The following CACNB4 variants were observed in gnomAD, a reference collection of about 807,000 sequenced individuals.
CACNB4 encodes voltage-dependent L-type calcium channel subunit beta-4.
In CACNB4, 32 loss-of-function variants were observed where a neutral mutation model predicts 71.2. That is an observed-to-expected ratio of 0.45 (90% CI 0.34 to 0.60). CACNB4 has a LOEUF of 0.60. Among genes scored for constraint, CACNB4 ranks in the 20% least tolerant of loss-of-function variants. CACNB4 has a pLI of 0.01. For missense variants in CACNB4, 464 were observed against 647.9 expected (o/e 0.72, Z 3.08); for synonymous variants, 231 against 236.9 (o/e 0.97, Z 0.23).
chr2:152,081,488 A>C (rs1464606188), intron 2 of CACNB4, among the ~76,000 whole-genome samples: 1 of 152,048 alleles, frequency 6.6e-6, no homozygotes, highest in Non-Finnish European at 1.5e-5. Context: ...CCTGTCAATA[A>C]AAAAGAAAAA....
rs924613561 is a variant in CACNB4 at position 152,015,424 on chromosome 2, C to G, written c.147+82906G>C. The stretch of plus-strand genomic sequence containing the variant: ...GGGATTACAGGCGTGAGCCACCATG[C>G]CCAGCCAAAACAATTTTTTTTAACT... On this transcript the variant is annotated intron_variant, in intron 2 of 13. Coordinates refer to ENST00000539935, the MANE Select transcript of CACNB4 (RefSeq NM_000726.5). Among the ~76,000 whole-genome samples the G allele has an allele frequency of 3.3e-5, 5 of 152,194 alleles. No individual in the cohort carries two copies. In the East Asian group the frequency reaches 9.6e-4, roughly 29 times the overall value.
At chr2:151,979,564 T>C (rs1237290616) in intron 2 of CACNB4, among the ~76,000 whole-genome samples, 2 of 152,178 alleles carry the variant, frequency 1.3e-5, no homozygotes. Context: ...AAAATGAATC[T>C]AGGAGATTAG....
At chr2:152,063,955 A>T (rs1192712042) in intron 2 of CACNB4, among the ~76,000 whole-genome samples, 1 of 152,260 alleles carries the variant, frequency 6.6e-6, no homozygotes, top group Non-Finnish European at 1.5e-5. Context: ...ATGATGAGCC[A>T]AACAAAACCT....
intron 10 of CACNB4, chr2:151,857,729 G>A (rs576234656): frequency 6.6e-6 from 1 of 152,348 alleles, no homozygotes; most frequent in African/African-American, 2.4e-5. Context: ...ACATTGATGT[G>A]AACTGGACTG....
intron 2 of CACNB4, among the ~76,000 whole-genome samples, chr2:151,999,312 G>C (rs889106048): frequency 1.3e-5 from 2 of 151,370 alleles, no homozygotes; most frequent in African/African-American, 4.9e-5. Flanking sequence ...TGGTACCTTC[G>C]GGACAATCCT....
In CACNB4 at chr2:151,861,851, A is replaced by AAAAAAAACAAAAAAAAAAAAAC. The variant is rs2099841785; in HGVS notation, c.759-1032_759-1031insGTTTTTTTTTTTTTGTTTTTTT. 1.2e-4 allele frequency: 16 copies of AAAAAAAACAAAAAAAAAAAAAC among 135,354 alleles called. 1 individual carries two copies. Among genetic ancestry groups the AAAAAAAACAAAAAAAAAAAAAC allele is most frequent in the African/African-American group, 4.0e-4 (14 of 34,714 alleles). 8.4% of individuals were successfully genotyped at this position (135,354 alleles called of 1,614,324 possible). On this transcript the variant is annotated intron_variant, in intron 9 of 13. Transcript: ENST00000539935. ...GGGTGAGACCCTGTCTCAAAAAAAA[A>AAAAAAAACAAAAAAAAAAAAAC]AAAAAAACTGAAGAATAAAGCAAAG...
At chr2:152,018,406 C>T (rs138683665) in intron 2 of CACNB4, among the ~76,000 whole-genome samples, 183 of 152,050 alleles carry the variant, frequency 1.2e-3, no homozygotes, top group African/African-American at 3.7e-3. Context: ...TTTCTCATAA[C>T]GTGGTAAAAA....
At chr2:152,012,358 C>T (rs1004421792) in intron 2 of CACNB4, among the ~76,000 whole-genome samples, 6 of 152,126 alleles carry the variant, frequency 3.9e-5, no homozygotes, top group African/African-American at 1.2e-4. Context: ...AATCCCAGCA[C>T]TTTGGGAGGC....
In CACNB4 at chr2:151,853,531, A is replaced by G. The variant is rs529832815; in HGVS notation, c.1033T>C (p.Leu345=). ...KVSSPKVLQR[L]IKSRGKSQSK... is the part of the protein sequence containing the mutation. ...TGTGACTTTCCTCTAGATTTAATCA[A>G]CCGCTGTAAAACCTGATAGAAGAAG... The change falls in exon 12 of 14, where the codon TTG becomes CTG. Residue 345 remains leucine (L), a synonymous_variant. Transcript: ENST00000539935. 3.0e-5 allele frequency: 47 copies of G among 1,587,016 alleles called. No homozygotes were observed. The South Asian group carries it at 5.1e-4, about 17-fold the overall frequency.
At chr2:151,855,499 T>C in intron 10 of CACNB4, 124 bp from the exon 11 acceptor site, 1 of 701,728 alleles carries the variant, frequency 1.4e-6, no homozygotes, top group Admixed American at 3.1e-5. Context: ...TAAATTTTCA[T>C]AGTCCTGTCT....
intron 2 of CACNB4, among the ~76,000 whole-genome samples, chr2:151,897,992 T>G (rs1395184862): frequency 6.6e-6 from 1 of 152,200 alleles, no homozygotes; most frequent in African/African-American, 2.4e-5. Context: ...AATATAAAAC[T>G]TAATTAATTC....
intron 2 of CACNB4, among the ~76,000 whole-genome samples, chr2:151,998,315 CAAAAAAAAAAAAA>C (rs70974815): frequency 3.1e-4 from 34 of 110,702 alleles, no homozygotes; most frequent in Non-Finnish European, 3.4e-4. Context: ...ACTCCATCTC[CAAAAAAAAAAAAA>C]AAAAAAAAAA....
rs1453808820 is a variant in CACNB4, at chr2:152,087,880, G to T, written c.147+10450C>A. Among the ~76,000 whole-genome samples, 7 of 151,868 alleles carry T rather than the reference G, an allele frequency of 4.6e-5. No homozygotes were observed. The East Asian group carries it at 1.3e-3, about 29-fold the overall frequency. On this transcript the variant is annotated intron_variant, in intron 2 of 13. Transcript: ENST00000539935. The stretch of plus-strand genomic sequence containing the variant: ...AGCCTGGGTGACAGAGCGAGACCCT[G>T]TCTAAAAAAAGAAAGAGACAGAGAA...
intron 2 of CACNB4, among the ~76,000 whole-genome samples, chr2:151,978,950 G>A (rs1272488139): frequency 6.6e-6 from 1 of 152,004 alleles, no homozygotes. Flanking sequence ...TCCACCTAGT[G>A]ACAGCACCCC....
intron 2 of CACNB4, among the ~76,000 whole-genome samples, chr2:152,096,349 TG>T (rs1688267237): frequency 6.6e-6 from 1 of 152,136 alleles, no homozygotes; most frequent in African/African-American, 2.4e-5. Context: ...CCAGGCGTGA[TG>T]GCGGGTGCCT....
chr2:152,027,323 C>T (rs1358433605), intron 2 of CACNB4, among the ~76,000 whole-genome samples: 1 of 152,252 alleles, frequency 6.6e-6, no homozygotes, highest in Non-Finnish European at 1.5e-5. Context: ...GAGCCTCTGA[C>T]TGCCTGGGGC....
Position 152,098,564 on chromosome 2 carries a change from G to GCCCGCCCCCCC in CACNB4, c.64-152_64-151insGGGGGGGCGGG. 1.1e-6 allele frequency: 1 copy of GCCCGCCCCCCC among 931,268 alleles called. No individual in the cohort carries two copies. Among genetic ancestry groups the GCCCGCCCCCCC allele is most frequent in the African/African-American group, 1.6e-5 (1 of 61,084 alleles). 57.7% of individuals were successfully genotyped at this position (931,268 alleles called of 1,614,324 possible). A position where few individuals can be genotyped will look rare whatever the true frequency, so the allele number is the denominator to read the frequency against. Reference sequence around the variant, plus strand: ...GTCTCCTCCGCGACTCCCAAATACAGCCCCCACCCCCACCCACCCACTGCA... The same window carrying GCCCGCCCCCCC: ...GTCTCCTCCGCGACTCCCAAATACAGCCCGCCCCCCCCCCCCACCCCCACCCACCCACTGCA... On this transcript the variant is annotated intron_variant, in intron 1 of 13. Transcript: ENST00000539935. This position sits in a 1 kb window ranked among gnomAD's most constrained non-coding sequence, Gnocchi z 5.3.
intron 2 of CACNB4, among the ~76,000 whole-genome samples, chr2:152,075,356 A>C (rs1686951690): frequency 6.6e-6 from 1 of 152,230 alleles, no homozygotes. Flanking sequence ...AATGGGAGAG[A>C]GACCTGTAAA....
chr2:152,065,256 C>T (rs1393872274), intron 2 of CACNB4, among the ~76,000 whole-genome samples: 21 of 152,036 alleles, frequency 1.4e-4, no homozygotes, highest in Admixed American at 1.2e-3. Flanking sequence ...TGGTGATGCA[C>T]GCCTATAATC....
Sources: gnomAD v4.1 joint callset for allele counts (sites outside exome capture counted in the v4.1 genomes callset) on GRCh38, gnomAD v4.1.1 for gene constraint, Gnocchi (gnomAD v3.1) non-coding constraint, MANE v1.5 for transcripts, NCBI Gene and HGNC (gene_info 2026-07-23, HGNC 2026-07-21) for gene names.